The following UIMC1 variants were observed in gnomAD, a reference collection of about 807,000 sequenced individuals.
The protein encoded by UIMC1 is ubiquitin interaction motif containing 1, also known as BRCA1-A complex subunit RAP80.
UIMC1 carries 42 observed loss-of-function variants against 84.9 expected under a neutral mutation model. That is an observed-to-expected ratio of 0.49 (90% confidence interval 0.39 to 0.64). The LOEUF is 0.64. Ranked by LOEUF, UIMC1 falls within the 30% of genes least tolerant of loss-of-function variation. UIMC1 has a pLI of 0.00. For missense variants in UIMC1, 825 were observed against 847.6 expected (o/e 0.97, Z 0.33); for synonymous variants, 281 against 293.0 (o/e 0.96, Z 0.42).
chr5:177,004,835 C>T (rs1254525287), intron 1 of UIMC1, among the ~76,000 whole-genome samples: 1 of 152,102 alleles, frequency 6.6e-6, no homozygotes, highest in Admixed American at 6.6e-5. Context: ...GCTTTGAAAG[C>T]TTGGGGGCAC....
intron 10 of UIMC1, among the ~76,000 whole-genome samples, chr5:176,938,826 T>C (rs1764049580): frequency 6.6e-6 from 1 of 152,202 alleles, no homozygotes; most frequent in South Asian, 2.1e-4. Flanking sequence ...TACACAATTA[T>C]TCACTTGTGT....
chr5:177,022,138 G>T (rs1775879282), intron 1 of UIMC1, among the ~76,000 whole-genome samples: 1 of 152,096 alleles, frequency 6.6e-6, no homozygotes, highest in East Asian at 1.9e-4. Flanking sequence ...AGCAGCTCTG[G>T]GGTTGGAAGA....
intron 1 of UIMC1, among the ~76,000 whole-genome samples, chr5:176,999,221 T>A (rs1379207327): frequency 6.6e-6 from 1 of 152,104 alleles, no homozygotes; most frequent in African/African-American, 2.4e-5. Flanking sequence ...TATTTTTAAG[T>A]TTTCTAACAT....
chr5:177,010,860 A>G (rs6863649), upstream of UIMC1, among the ~76,000 whole-genome samples: 1,629 of 152,122 alleles, frequency 0.011, 11 homozygotes, highest in South Asian at 0.025. Flanking sequence ...TGGACAAAAG[A>G]AACCTTAATA....
intron 10 of UIMC1, among the ~76,000 whole-genome samples, chr5:176,933,227 C>CTGTATAAA (rs1763330810): frequency 6.6e-6 from 1 of 152,038 alleles, no homozygotes; most frequent in African/African-American, 2.4e-5. Flanking sequence ...TACTGAGATC[C>CTGTATAAA]CAACAGACAC....
intron 10 of UIMC1, among the ~76,000 whole-genome samples, chr5:176,921,164 CA>C (rs1352138748): frequency 6.6e-6 from 1 of 152,158 alleles, no homozygotes; most frequent in East Asian, 1.9e-4. Context: ...CTTCCACCAC[CA>C]AAAGTATTAG....
intron 3 of UIMC1, among the ~76,000 whole-genome samples, chr5:176,972,246 C>T (rs1265898435): frequency 6.6e-6 from 1 of 150,406 alleles, no homozygotes; most frequent in African/African-American, 2.4e-5. Flanking sequence ...TAAAAAAATA[C>T]AAAAAATCAG....
At chr5:176,929,466 C>T (rs1188213718) in intron 10 of UIMC1, among the ~76,000 whole-genome samples, 2 of 151,536 alleles carry the variant, frequency 1.3e-5, no homozygotes, top group East Asian at 3.9e-4. Flanking sequence ...ACTTGGGAGG[C>T]TGAGGCAGGA....
At chr5:176,927,521 T>C (rs1010576408) in intron 10 of UIMC1, among the ~76,000 whole-genome samples, 3 of 152,100 alleles carry the variant, frequency 2.0e-5, no homozygotes, top group African/African-American at 7.2e-5. Flanking sequence ...CCCAAAGTGC[T>C]GGGATTACAG....
At chr5:176,942,876 G>A (rs904147784) in intron 10 of UIMC1, among the ~76,000 whole-genome samples, 8 of 151,428 alleles carry the variant, frequency 5.3e-5, no homozygotes, top group African/African-American at 7.3e-5. Context: ...CCAACATGGC[G>A]AAACCCTGTC....
intron 10 of UIMC1, among the ~76,000 whole-genome samples, chr5:176,937,789 AG>A (rs1763892624): frequency 6.6e-6 from 1 of 152,208 alleles, no homozygotes; most frequent in Admixed American, 6.5e-5. Flanking sequence ...AGGGGAAGAC[AG>A]GAAGGAGTGA....
intron 1 of UIMC1, among the ~76,000 whole-genome samples, chr5:177,016,457 C>T (rs1481215020): frequency 3.3e-5 from 5 of 151,900 alleles, no homozygotes; most frequent in African/African-American, 9.7e-5. Flanking sequence ...TTTGGGAGGC[C>T]GAGGCGGGCG....
chr5:176,952,266 T>C (rs1447466797), intron 8 of UIMC1, among the ~76,000 whole-genome samples: 7 of 152,188 alleles, frequency 4.6e-5, no homozygotes, highest in African/African-American at 1.2e-4. Context: ...AAAACAGAAA[T>C]TGGGACCAGA....
chr5:176,990,207 G>C (rs1339234022), intron 1 of UIMC1, among the ~76,000 whole-genome samples: 1 of 151,112 alleles, frequency 6.6e-6, no homozygotes, highest in African/African-American at 2.4e-5. Flanking sequence ...AACAAAGAAA[G>C]AAATGGGGAC....
chr5:176,970,901 C>A, intron 3 of UIMC1, 35 bp from the exon 4 acceptor site: 1 of 1,606,000 alleles, frequency 6.2e-7, no homozygotes, highest in African/African-American at 1.3e-5. Flanking sequence ...AGGAGGAACA[C>A]CACAAACACT....
At chr5:176,905,671 T>C (rs1158084728) in intron 14 of UIMC1, 179 bp from the exon 15 acceptor site, 3 of 680,530 alleles carry the variant, frequency 4.4e-6, no homozygotes, top group South Asian at 2.0e-5. Context: ...GTAAATCATA[T>C]ACTACTTAAA....
At chr5:176,971,243 T>C (rs1769155533) in intron 3 of UIMC1, among the ~76,000 whole-genome samples, 1 of 152,240 alleles carries the variant, frequency 6.6e-6, no homozygotes, top group South Asian at 2.1e-4. Context: ...CCGCAACGCT[T>C]TATGCTCAAC....
rs571645861 is a variant in UIMC1, at chr5:176,991,698, C to A, written c.-8-9075G>T. Among the ~76,000 whole-genome samples, 47 of 150,418 alleles carry A rather than the reference C, an allele frequency of 3.1e-4. 1 individual carries two copies. Among genetic ancestry groups the A allele is most frequent in the African/African-American group, 1.1e-3 (46 of 40,906 alleles). On this transcript the variant is annotated intron_variant, in intron 1 of 14. Transcript: ENST00000511320. The stretch of plus-strand genomic sequence containing the variant: ...CTGTAATCTCAGCACTTTGAGAGGC[C>A]GAGGCGGGCAGATCACGAGGTCAGG...
At chr5:176,922,663 T>A (rs1397232954) in intron 10 of UIMC1, among the ~76,000 whole-genome samples, 2 of 152,298 alleles carry the variant, frequency 1.3e-5, no homozygotes, top group East Asian at 3.9e-4. Flanking sequence ...TGATAAACCA[T>A]CTTTGTCTAT....
Sources: gnomAD v4.1 joint callset for allele counts (sites outside exome capture counted in the v4.1 genomes callset) on GRCh38, gnomAD v4.1.1 for gene constraint, MANE v1.5 for transcripts, NCBI Gene and HGNC (gene_info 2026-07-23, HGNC 2026-07-21) for gene names.